The following ATP2C1 variants were observed in gnomAD, a reference collection of about 807,000 sequenced individuals.
ATP2C1 encodes the protein ATPase secretory pathway Ca2+ transporting 1.
Under a neutral mutation model 120.5 loss-of-function variants are expected in ATP2C1, and 31 were observed. The ratio of observed to expected loss-of-function variants is 0.26; its 90% CI spans 0.19 to 0.35. ATP2C1 has a LOEUF of 0.35. Ranked by LOEUF, ATP2C1 falls within the 10% of genes least tolerant of loss-of-function variation. ATP2C1 has a pLI of 1.00. For missense variants in ATP2C1, 731 were observed against 1,107.5 expected, an observed-to-expected ratio of 0.66 and a Z score of 4.83; for synonymous variants, 351 against 358.7, an observed-to-expected ratio of 0.98 and a Z score of 0.24.
At position 130,916,539 on chromosome 3, in the gene ATP2C1, A is replaced by T. The variant is rs146903133; in HGVS notation, c.7-13877A>T. Among the ~76,000 whole-genome samples the T allele has an allele frequency of 4.7e-3, 721 of 152,152 alleles. 5 individuals are homozygous for T. Among genetic ancestry groups the T allele is most frequent in the African/African-American group, 0.016 (647 of 41,546 alleles). ...AATTTGTGCTTAAATTTATATATAT[A>T]TTTTTTCTTTCTTCTTTTTTTCTTT... On this transcript the variant is annotated intron_variant, in intron 2 of 27. Transcript: ENST00000510168.
At chr3:130,911,788 C>T (rs1411327850) in intron 2 of ATP2C1, among the ~76,000 whole-genome samples, 7 of 148,106 alleles carry the variant, frequency 4.7e-5, no homozygotes, top group African/African-American at 1.0e-4. Flanking sequence ...GAGCCCGCAT[C>T]GCCAAGTCAA....
chr3:130,993,078 C>CTCCCTGTAATGCA, intron 21 of ATP2C1, 77 bp downstream of exon 21: 1 of 1,279,462 alleles, frequency 7.8e-7, no homozygotes, highest in Non-Finnish European at 1.1e-6. Context: ...GTTTGCATTA[C>CTCCCTGTAATGCA]AGGGAGTAGA....
intron 8 of ATP2C1, among the ~76,000 whole-genome samples, chr3:130,942,412 A>G (rs1293905295): frequency 6.6e-6 from 1 of 152,216 alleles, no homozygotes; most frequent in African/African-American, 2.4e-5. Context: ...GAACTGGAAA[A>G]TGGAGATAGG....
intron 18 of ATP2C1, among the ~76,000 whole-genome samples, chr3:130,976,289 A>G (rs1038131123): frequency 4.6e-5 from 7 of 152,180 alleles, no homozygotes; most frequent in African/African-American, 1.2e-4. Context: ...TGATGGATTT[A>G]TAGGGCTTCT....
intron 20 of ATP2C1, among the ~76,000 whole-genome samples, chr3:130,990,453 G>C (rs1479549363): frequency 6.6e-6 from 1 of 152,122 alleles, no homozygotes; most frequent in Non-Finnish European, 1.5e-5. Context: ...AGTGTGCCTG[G>C]CATGTGTGAG....
Position 130,930,491 on chromosome 3 carries a change from G to T in ATP2C1, c.82G>T (p.Glu28Ter). 2 of 1,612,928 alleles carry T rather than the reference G, an allele frequency of 1.2e-6. No individual in the cohort carries two copies. The highest frequency in any genetic ancestry group is 1.1e-5 in the South Asian group (1 of 91,042). The change falls in exon 3 of 28, where the codon GAA (glutamate) becomes TAA (stop). Residue 28 changes from glutamate to a stop codon, truncating the protein, a stop_gained. Transcript: ENST00000510168. LOFTEE classifies it high-confidence loss of function. ...IPVLTSKKAS[E>*]LPVSEVASIL... ...TGTATTGACATCAAAAAAAGCAAGT[G>T]AATTACCAGTCAGTGAAGTTGCAAG...
intron 17 of ATP2C1, among the ~76,000 whole-genome samples, chr3:130,972,388 C>T (rs568627545): frequency 2.2e-4 from 33 of 152,102 alleles, no homozygotes; most frequent in Non-Finnish European, 3.5e-4. Context: ...TGGACTTCAT[C>T]TCATCACCCT....
intron 1 of ATP2C1, among the ~76,000 whole-genome samples, chr3:130,862,066 T>G (rs1274126822): frequency 6.6e-6 from 1 of 151,882 alleles, no homozygotes; most frequent in African/African-American, 2.4e-5. Context: ...CTCCACCTCC[T>G]GGGTTCATGT....
At chr3:130,894,065 A>T (rs918699481), upstream of ATP2C1, 8 of 984,332 alleles carry the variant, frequency 8.1e-6, no homozygotes, top group Non-Finnish European at 9.6e-6. The surrounding 1 kb of genome is among the most constrained non-coding windows in gnomAD (Gnocchi z 4.5). Flanking sequence ...GGCGGAGCGC[A>T]GGAGTCGGAG....
At chr3:130,867,849 C>A (rs1193552633) in intron 1 of ATP2C1, among the ~76,000 whole-genome samples, 1 of 144,844 alleles carries the variant, frequency 6.9e-6, no homozygotes, top group African/African-American at 2.6e-5. Flanking sequence ...AAGCGAGGAG[C>A]GCCTCTTCCC....
At chr3:130,949,597 A>C (rs1297030215) in intron 8 of ATP2C1, among the ~76,000 whole-genome samples, 3 of 152,160 alleles carry the variant, frequency 2.0e-5, no homozygotes, top group Non-Finnish European at 4.4e-5. Flanking sequence ...GTTGTACCGA[A>C]CATTTTCAAT....
chr3:130,899,641 C>G (rs2069967938), intron 2 of ATP2C1: 1 of 151,882 alleles, frequency 6.6e-6, no homozygotes, highest in Non-Finnish European at 1.5e-5. Flanking sequence ...GTTGCTACGA[C>G]AAAAGTATAA....
At chr3:130,872,102 C>T (rs1246904083) in intron 1 of ATP2C1, among the ~76,000 whole-genome samples, 1 of 151,224 alleles carries the variant, frequency 6.6e-6, no homozygotes, top group Non-Finnish European at 1.5e-5. Flanking sequence ...ATGTTTATAT[C>T]ATCTTCGATA....
intron 2 of ATP2C1, among the ~76,000 whole-genome samples, chr3:130,897,382 C>T (rs852219): frequency 0.48 from 72,541 of 152,056 alleles, 19,396 homozygotes; most frequent in Non-Finnish European, 0.61. Context: ...TTCTCAGCCT[C>T]TAAGTTATCT....
chr3:130,853,510 C>T (rs183664033), intron 1 of ATP2C1, among the ~76,000 whole-genome samples: 8 of 152,246 alleles, frequency 5.3e-5, no homozygotes, highest in Non-Finnish European at 8.8e-5. Context: ...ACACCATCTG[C>T]TTCTTTACTT....
chr3:131,016,634 C>T lies in ATP2C1; in HGVS notation c.*445C>T, dbSNP rs1321779573. On this transcript the variant is annotated 3_prime_UTR_variant, in exon 27 of 27. Coordinates refer to the ATP2C1 transcript ENST00000328560. ...ATAAACATGTCTGCATTTGAATTCT[C>T]TAAACCCTAAATCTGTGTCTATGAA... 5 of 410,936 alleles carry T rather than the reference C, an allele frequency of 1.2e-5. No homozygotes were observed. The East Asian group carries it at 2.6e-4, about 21-fold the overall frequency. 25.5% of individuals were successfully genotyped at this position (410,936 alleles called of 1,614,324 possible). A position where few individuals can be genotyped will look rare whatever the true frequency, so the allele number is the denominator to read the frequency against.
At chr3:130,962,715 TAAAAAAAAAA>T (rs71133621) in intron 12 of ATP2C1, among the ~76,000 whole-genome samples, 2 of 114,214 alleles carry the variant, frequency 1.8e-5, no homozygotes, top group African/African-American at 6.6e-5. Context: ...ATGGAAGCAT[TAAAAAAAAAA>T]AAAAAAAGAA....
intron 11 of ATP2C1, among the ~76,000 whole-genome samples, chr3:130,957,976 G>A (rs1345420345): frequency 6.6e-6 from 1 of 152,090 alleles, no homozygotes; most frequent in African/African-American, 2.4e-5. Context: ...TGTTTTACTG[G>A]TGTGTATGCC....
rs999228536 is a variant in ATP2C1, at chr3:130,894,688, C to T, written c.-82C>T. 2 of 1,613,876 alleles carry T rather than the reference C, an allele frequency of 1.2e-6. No homozygotes were observed. Among genetic ancestry groups the T allele is most frequent in the East Asian group, 2.2e-5 (1 of 44,858 alleles). ...GGGGGCTTCTCTTCCTTGTCCTCCT[C>T]CTCTCCTCTCTATTCCCAGTGTGGC... On this transcript the variant is annotated 5_prime_UTR_variant, in exon 2 of 28. Transcript: ENST00000510168. The surrounding 1 kb of genome is among the most constrained non-coding windows in gnomAD (Gnocchi z 4.5).
Sources: gnomAD v4.1 joint callset for allele counts (sites outside exome capture counted in the v4.1 genomes callset) on GRCh38, gnomAD v4.1.1 for gene constraint, Gnocchi (gnomAD v3.1) non-coding constraint, MANE v1.5 for transcripts, NCBI Gene and HGNC (gene_info 2026-07-23, HGNC 2026-07-21) for gene names.